Variants in POLK observed in about 807,000 individuals in gnomAD.
The protein encoded by POLK is DNA polymerase kappa.
Under a neutral mutation model 94.0 loss-of-function variants are expected in POLK, and 76 were observed. That is an observed-to-expected ratio of 0.81 (90% CI 0.67 to 0.98). The LOEUF (loss-of-function observed/expected upper bound fraction) is 0.98, where lower values mean the gene tolerates loss of function less well. Ranked by LOEUF, POLK falls within the 50% of genes least tolerant of loss-of-function variation. The probability of loss-of-function intolerance (pLI) is 0.00; values close to 1 mark genes in which losing one functional copy is unlikely to be tolerated. For missense variants in POLK, 954 were observed against 1,010.1 expected, an observed-to-expected ratio of 0.94 and a Z score of 0.75; for synonymous variants, 349 against 325.4, an observed-to-expected ratio of 1.07 and a Z score of -0.78.
intron 1 of POLK, among the ~76,000 whole-genome samples, chr5:75,545,714 G>T (rs1035824828): frequency 2.0e-5 from 3 of 151,876 alleles, no homozygotes; most frequent in Non-Finnish European, 2.9e-5. Flanking sequence ...GCATACAGTA[G>T]ATAATAAATG....
At chr5:75,543,616 G>A (rs1230878191) in intron 1 of POLK, among the ~76,000 whole-genome samples, 2 of 152,150 alleles carry the variant, frequency 1.3e-5, no homozygotes, top group Non-Finnish European at 2.9e-5. Context: ...TATTTTGACT[G>A]GTGCTATAAA....
chr5:75,573,671 G>A (rs1771718408), intron 4 of POLK, 67 bp from the exon 5 acceptor site: 1 of 1,237,936 alleles, frequency 8.1e-7, no homozygotes, highest in African/African-American at 1.5e-5. Flanking sequence ...TGTTTCTTAT[G>A]AATGCATTGA....
chr5:75,529,726 T>C (rs1267738631), intron 1 of POLK, among the ~76,000 whole-genome samples: 2 of 152,188 alleles, frequency 1.3e-5, no homozygotes, highest in Admixed American at 1.3e-4. Flanking sequence ...GATTATAATC[T>C]TGTAATATAT....
intron 3 of POLK, among the ~76,000 whole-genome samples, chr5:75,560,221 C>A (rs1407431695): frequency 6.6e-6 from 1 of 152,030 alleles, no homozygotes; most frequent in Non-Finnish European, 1.5e-5. Flanking sequence ...GAATTATGAC[C>A]AGTAAATGAG....
intron 13 of POLK, 71 bp from the exon 14 acceptor site, chr5:75,597,676 A>G: frequency 1.1e-6 from 1 of 880,198 alleles, no homozygotes; most frequent in African/African-American, 1.8e-5. Context: ...TAACTTTTTA[A>G]ATTTGTATAC....
intron 6 of POLK, among the ~76,000 whole-genome samples, chr5:75,580,768 CTTA>C (rs2112816808): frequency 6.6e-6 from 1 of 150,754 alleles, no homozygotes; most frequent in South Asian, 2.1e-4. Flanking sequence ...AAAAACAAAA[CTTA>C]TTTTCAGTAT....
At chr5:75,550,278 G>A (rs1251001453) in intron 2 of POLK, among the ~76,000 whole-genome samples, 1 of 152,092 alleles carries the variant, frequency 6.6e-6, no homozygotes, top group African/African-American at 2.4e-5. Flanking sequence ...TCTTAGGAAA[G>A]CAAGGTTGGT....
chr5:75,588,814 T>A (rs1772603611), intron 10 of POLK, among the ~76,000 whole-genome samples: 1 of 152,206 alleles, frequency 6.6e-6, no homozygotes, highest in African/African-American at 2.4e-5. Context: ...TTTCTCTGAC[T>A]CTAACCCTCC....
intron 1 of POLK, chr5:75,512,456 T>C (rs1276285472): frequency 1.3e-5 from 2 of 152,226 alleles, no homozygotes; most frequent in African/African-American, 4.8e-5. Flanking sequence ...ATGAATATCT[T>C]ACTGAGAACC....
chr5:75,604,657 C>T (rs945252334), downstream of POLK, among the ~76,000 whole-genome samples: 5 of 152,168 alleles, frequency 3.3e-5, no homozygotes, highest in African/African-American at 1.2e-4. Context: ...GATTAACAGG[C>T]ATCAGCCACC....
chr5:75,589,762 C>G (rs1581094893), intron 10 of POLK, among the ~76,000 whole-genome samples: 1 of 152,144 alleles, frequency 6.6e-6, no homozygotes, highest in Non-Finnish European at 1.5e-5. Flanking sequence ...ATTCTGGTCT[C>G]TTTGTATTAT....
At chr5:75,602,487 G>A (rs1218507498), downstream of POLK, among the ~76,000 whole-genome samples, 2 of 152,136 alleles carry the variant, frequency 1.3e-5, no homozygotes, top group Non-Finnish European at 2.9e-5. Flanking sequence ...AAAGTGCAGG[G>A]CTGGAGTAAC....
rs920497598 is a variant in POLK at position 75,590,535 on chromosome 5, A to G, written c.1356+95A>G. 3 of 741,290 alleles carry G rather than the reference A, an allele frequency of 4.0e-6. No homozygotes were observed. The African/African-American group carries it at 5.3e-5, about 13-fold the overall frequency. 45.9% of individuals were successfully genotyped at this position (741,290 alleles called of 1,614,324 possible). A position where few individuals can be genotyped will look rare whatever the true frequency, so the allele number is the denominator to read the frequency against. The stretch of plus-strand genomic sequence containing the variant: ...GAGTTAGATTACACATTTCTTAAAG[A>G]TGAATACAAATTAATAAACGTCAGA... On this transcript the variant is annotated intron_variant, in intron 11 of 14. Coordinates refer to ENST00000241436, the Ensembl canonical transcript of POLK.
chr5:75,552,368 T>G (rs1443141896), intron 2 of POLK, 104 bp from the exon 3 acceptor site: 5 of 1,056,542 alleles, frequency 4.7e-6, no homozygotes, highest in Non-Finnish European at 6.7e-6. Context: ...GTTTTAAATT[T>G]AATCTTCTGT....
chr5:75,607,433 A>C, the POLK span, among the ~76,000 whole-genome samples: 2 of 148,076 alleles, frequency 1.4e-5, no homozygotes, highest in East Asian at 2.0e-4. Flanking sequence ...GCACCACTGC[A>C]CTCCAACCTG....
chr5:75,593,191 G>A (rs1280431761), intron 11 of POLK, among the ~76,000 whole-genome samples: 1 of 152,016 alleles, frequency 6.6e-6, no homozygotes, highest in East Asian at 1.9e-4. Flanking sequence ...GAGTGCAATG[G>A]TGTGATCTCG....
chr5:75,584,638 T>G (rs1234774816), intron 8 of POLK, 122 bp from the exon 9 acceptor site: 1 of 607,068 alleles, frequency 1.6e-6, no homozygotes. Flanking sequence ...ACCACTGTAC[T>G]CCAGCTTGGG....
chr5:75,573,842 T>C, exon 5 of POLK: 1 of 1,613,520 alleles, frequency 6.2e-7, no homozygotes, highest in Non-Finnish European at 8.5e-7. Context: ...CCCCCAACTT[T>C]GACAAATACC....
chr5:75,518,519 CTTTCT>C (rs1160048775), intron 1 of POLK, among the ~76,000 whole-genome samples: 1 of 151,558 alleles, frequency 6.6e-6, no homozygotes, highest in Non-Finnish European at 1.5e-5. Context: ...TTTGAATTTT[CTTTCT>C]TTTATTTGTC....
Sources: gnomAD v4.1 joint callset for allele counts (sites outside exome capture counted in the v4.1 genomes callset) on GRCh38, gnomAD v4.1.1 for gene constraint, MANE v1.5 for transcripts, NCBI Gene and HGNC (gene_info 2026-07-23, HGNC 2026-07-21) for gene names.